EYA3: variants seen among roughly 807,000 people sequenced by gnomAD.
EYA3 encodes protein phosphatase EYA3.
EYA3 carries 39 observed loss-of-function variants against 80.0 expected under a neutral mutation model. That is an observed-to-expected ratio of 0.49 (90% CI 0.38 to 0.64). The LOEUF (loss-of-function observed/expected upper bound fraction) is 0.64. Among genes scored for constraint, EYA3 ranks in the 30% least tolerant of loss-of-function variants. The probability of loss-of-function intolerance (pLI) is 0.00; values close to 1 mark genes in which losing one functional copy is unlikely to be tolerated. For synonymous variants in EYA3, 206 were observed against 232.8 expected (o/e 0.88, Z 1.05); for missense variants, 523 against 676.1 (o/e 0.77, Z 2.51).
chr1:28,022,618 A>T (rs902824547), intron 7 of EYA3, among the ~76,000 whole-genome samples: 1 of 152,218 alleles, frequency 6.6e-6, no homozygotes, highest in African/African-American at 2.4e-5. Context: ...GTGTATTTAC[A>T]TAGGTTAGTA....
chr1:28,012,679 C>G (rs1299030911), intron 9 of EYA3, among the ~76,000 whole-genome samples: 2 of 152,158 alleles, frequency 1.3e-5, no homozygotes, highest in Non-Finnish European at 2.9e-5. Flanking sequence ...ATATATTTCT[C>G]TGAGGGAAAA....
chr1:27,973,280 T>G lies in EYA3; in HGVS notation c.*1186A>C, dbSNP rs572426943. On this transcript the variant is annotated 3_prime_UTR_variant, in exon 18 of 18. Transcript: ENST00000373871. ...GTAGTTATAAGCATGTTTTTAGATTTGATTTGAATTCTTGGGTCTAATACC... is the reference window on the plus strand; with the variant it reads ...GTAGTTATAAGCATGTTTTTAGATTGGATTTGAATTCTTGGGTCTAATACC... 6.6e-6 allele frequency: 1 copy of G among 152,214 alleles called. No homozygotes were observed. The highest frequency in any genetic ancestry group is 2.4e-5 in the African/African-American group (1 of 41,440). The allele number at this position is 152,214 out of a possible 1,614,324, so 9.4% of individuals were successfully genotyped here. A position where few individuals can be genotyped will look rare whatever the true frequency, so the allele number is the denominator to read the frequency against.
intron 1 of EYA3, among the ~76,000 whole-genome samples, chr1:28,062,127 G>A (rs1289241580): frequency 6.6e-6 from 1 of 152,140 alleles, no homozygotes; most frequent in East Asian, 1.9e-4. Context: ...AGAACATTTG[G>A]AAAGTAATGT....
rs886800606 is a variant in EYA3, at chr1:27,972,693, C to G, written c.*1773G>C. The G allele has an allele frequency of 6.6e-5, 10 of 152,236 alleles. No individual in the cohort carries two copies. Among genetic ancestry groups the G allele is most frequent in the African/African-American group, 2.4e-4 (10 of 41,462 alleles). 9.4% of individuals were successfully genotyped at this position (152,236 alleles called of 1,614,324 possible). On this transcript the variant is annotated 3_prime_UTR_variant, in exon 18 of 18. Transcript: ENST00000373871. Reference sequence around the variant, plus strand: ...CTCTCTCTGTGTAGCCTGGGAGAGGCTGAACTTCCTCAGCTCTAGGGAATT... The same window carrying G: ...CTCTCTCTGTGTAGCCTGGGAGAGGGTGAACTTCCTCAGCTCTAGGGAATT...
At chr1:28,026,589 G>A (rs900464820) in intron 7 of EYA3, among the ~76,000 whole-genome samples, 1 of 152,066 alleles carries the variant, frequency 6.6e-6, no homozygotes, top group Non-Finnish European at 1.5e-5. Context: ...CTGCATTCCA[G>A]CTGGGCAACA....
At chr1:28,073,340 C>T (rs911056154) in intron 1 of EYA3, among the ~76,000 whole-genome samples, 5 of 146,876 alleles carry the variant, frequency 3.4e-5, no homozygotes, top group Non-Finnish European at 6.0e-5. Context: ...CTCTGTCACC[C>T]AGGCAGGAGT....
intron 11 of EYA3, among the ~76,000 whole-genome samples, chr1:28,000,778 T>C (rs556748703): frequency 6.6e-6 from 1 of 152,162 alleles, no homozygotes; most frequent in African/African-American, 2.4e-5. Flanking sequence ...AAAAATAAAA[T>C]TTGGCCGGGT....
Position 28,078,065 on chromosome 1 carries a change from A to G in EYA3, c.-69+10459T>C, listed in dbSNP as rs139378572. ...TTACCCCTTCAAAACTCCATCAGAC[A>G]GGATAATATAAGTGTTTGTTAAAGA... is the stretch of plus-strand genomic sequence containing the variant. On this transcript the variant is annotated intron_variant, in intron 1 of 17. Transcript: ENST00000373871. 7.0e-3 allele frequency among the ~76,000 whole-genome samples: 1,061 copies of G among 152,342 alleles called. 9 individuals carry two copies. Among genetic ancestry groups the G allele is most frequent in the Non-Finnish European group, 8.6e-3 (584 of 68,032 alleles).
At position 28,009,439 on chromosome 1, in the gene EYA3, CAGG is replaced by C. The variant is rs2148783946; in HGVS notation, c.909+1505_909+1507del. 6.6e-6 allele frequency among the ~76,000 whole-genome samples: 1 copy of C among 152,226 alleles called. No individual in the cohort carries two copies. The highest frequency in any genetic ancestry group is 1.9e-4 in the East Asian group (1 of 5,178). On this transcript the variant is annotated intron_variant, in intron 10 of 17. Transcript: ENST00000373871. The surrounding 1 kb of genome is among the most constrained non-coding windows in gnomAD (Gnocchi z 4.8). ...GGCCGAGGCAGGCGGATCACGAGGT[CAGG>C]AGTTTAAGAACAGACTGACCAACAT...
intron 1 of EYA3, among the ~76,000 whole-genome samples, chr1:28,075,264 G>C (rs1323679139): frequency 6.6e-6 from 1 of 152,144 alleles, no homozygotes; most frequent in Non-Finnish European, 1.5e-5. Context: ...ATTTCCTTAT[G>C]AACATCTCAT....
chr1:28,064,428 C>T (rs577830), intron 1 of EYA3, among the ~76,000 whole-genome samples: 91,970 of 143,366 alleles, frequency 0.64, 30,239 homozygotes, highest in African/African-American at 0.78. Context: ...CGAGACTCTG[C>T]CTCAAAAAAA....
intron 5 of EYA3, among the ~76,000 whole-genome samples, chr1:28,038,281 T>C (rs1242330079): frequency 1.3e-5 from 2 of 151,522 alleles, no homozygotes; most frequent in African/African-American, 4.9e-5. Flanking sequence ...TACTAAAAAA[T>C]ACAAAAATTA....
intron 2 of EYA3, among the ~76,000 whole-genome samples, chr1:28,054,243 C>T (rs1014395061): frequency 1.3e-5 from 2 of 152,146 alleles, no homozygotes; most frequent in Admixed American, 6.5e-5. Flanking sequence ...ATAAGGAAAG[C>T]AGGACCTAGA....
intron 12 of EYA3, 145 bp downstream of exon 12, chr1:27,999,815 C>A (rs915430015): frequency 2.4e-5 from 12 of 497,662 alleles, no homozygotes; most frequent in Non-Finnish European, 3.9e-5. Flanking sequence ...TTCTCTAAGA[C>A]TATGTATGTA....
At chr1:28,022,724 C>CT (rs925535727) in intron 7 of EYA3, among the ~76,000 whole-genome samples, 15 of 151,544 alleles carry the variant, frequency 9.9e-5, no homozygotes, top group African/African-American at 2.9e-4. Context: ...AAGCTCAGAT[C>CT]TTTTTTTTGA....
intron 2 of EYA3, among the ~76,000 whole-genome samples, chr1:28,057,749 GT>G (rs1310503414): frequency 2.0e-5 from 3 of 152,088 alleles, no homozygotes; most frequent in Non-Finnish European, 2.9e-5. Context: ...TCTAAAAACT[GT>G]AACACTAGCC....
chr1:28,010,380 TC>T (rs1357819576), intron 10 of EYA3, among the ~76,000 whole-genome samples: 1 of 152,082 alleles, frequency 6.6e-6, no homozygotes, highest in African/African-American at 2.4e-5. Context: ...AGCACTCTAG[TC>T]CTTTCCTTTT....
chr1:28,042,562 G>A lies in EYA3; in HGVS notation c.157+9C>T. On this transcript the variant is annotated intron_variant, in intron 4 of 17. Transcript: ENST00000373871. ...ATCTGTTCAATCATGCACAGAATAT[G>A]GTACTTACTTTCCTCTGACATGGGA... 1.2e-6 allele frequency: 2 copies of A among 1,609,896 alleles called. No homozygotes were observed. Among genetic ancestry groups the A allele is most frequent in the Non-Finnish European group, 8.5e-7 (1 of 1,176,196 alleles).
intron 1 of EYA3, among the ~76,000 whole-genome samples, chr1:28,071,088 A>T (rs1421619066): frequency 6.6e-6 from 1 of 151,958 alleles, no homozygotes; most frequent in Non-Finnish European, 1.5e-5. Context: ...ACGCCCAGAT[A>T]ATTTTTGTAT....
Sources: gnomAD v4.1 joint callset for allele counts (sites outside exome capture counted in the v4.1 genomes callset) on GRCh38, gnomAD v4.1.1 for gene constraint, Gnocchi (gnomAD v3.1) non-coding constraint, MANE v1.5 for transcripts, NCBI Gene and HGNC (gene_info 2026-07-23, HGNC 2026-07-21) for gene names.